TNNC1: variants seen among roughly 807,000 people sequenced by gnomAD.
TNNC1 encodes troponin C, slow skeletal and cardiac muscles.
Under a neutral mutation model 19.6 loss-of-function variants are expected in TNNC1, and 10 were observed. The ratio of observed to expected loss-of-function variants is 0.51; its 90% confidence interval spans 0.31 to 0.87. The LOEUF is 0.87. Ranked by LOEUF, TNNC1 falls within the 40% of genes least tolerant of loss-of-function variation. TNNC1 has a pLI of 0.04. For synonymous variants in TNNC1, 85 were observed against 80.1 expected, an observed-to-expected ratio of 1.06 and a Z score of -0.33; for missense variants, 115 against 219.8, an observed-to-expected ratio of 0.52 and a Z score of 3.02.
At position 52,451,237 on chromosome 3, in the gene TNNC1, G is replaced by C. The variant is rs541885580; in HGVS notation, c.*38C>G. On this transcript the variant is annotated 3_prime_UTR_variant, in exon 6 of 6. Transcript: ENST00000232975. The surrounding 1 kb of genome is among the most constrained non-coding windows in gnomAD (Gnocchi z 4.8). ...CAACCCCAGGACTCAGCTGGAGTTG[G>C]AGGCTGGGCATAGGCAGCTCTGGGT... 2.1e-4 allele frequency: 341 copies of C among 1,613,850 alleles called. 1 individual carries two copies. The South Asian group carries it at 3.6e-3, about 17-fold the overall frequency.
chr3:52,452,030 C>A lies in TNNC1; in HGVS notation c.202+76G>T. 6.2e-7 allele frequency: 1 copy of A among 1,609,574 alleles called. No homozygotes were observed. The highest frequency in any genetic ancestry group is 8.5e-7 in the Non-Finnish European group (1 of 1,177,204). ...CAAGGCTCGGATAGGCTAAATTGCT[C>A]CCAGCTAAACAGAGCCAGCATTCCA... On this transcript the variant is annotated intron_variant, in intron 3 of 5. Transcript: ENST00000232975. This position sits in a 1 kb window ranked among gnomAD's most constrained non-coding sequence, Gnocchi z 5.2.
rs1706316072 is a variant in TNNC1, at chr3:52,451,111, G to A, written c.*164C>T. 1.2e-6 allele frequency: 1 copy of A among 827,834 alleles called. No individual in the cohort carries two copies. The highest frequency in any genetic ancestry group is 2.0e-5 in the Admixed American group (1 of 49,384). The allele number at this position is 827,834 out of a possible 1,614,324, so 51.3% of individuals were successfully genotyped here. A position where few individuals can be genotyped will look rare whatever the true frequency, so the allele number is the denominator to read the frequency against. ...CCAGATAGCAGACCTTGGGAGAGCA[G>A]GCTTTATTTGCATCCCCCAGGACAG... On this transcript the variant is annotated 3_prime_UTR_variant, in exon 6 of 6. Coordinates refer to ENST00000232975, the MANE Select transcript of TNNC1 (RefSeq NM_003280.3). This position sits in a 1 kb window ranked among gnomAD's most constrained non-coding sequence, Gnocchi z 4.8.
In TNNC1 at chr3:52,452,323, G is replaced by C. The variant is rs2153229982; in HGVS notation, c.56-71C>G. ...AGGACCACGGAGGGCCAGAACCCTG[G>C]GGCCACCTGCCAACCTGCCCACCTC... On this transcript the variant is annotated intron_variant, in intron 2 of 5. Coordinates refer to ENST00000232975, the MANE Select transcript of TNNC1 (RefSeq NM_003280.3). This position sits in a 1 kb window ranked among gnomAD's most constrained non-coding sequence, Gnocchi z 5.2. The C allele has an allele frequency of 6.2e-7, 1 of 1,601,534 alleles. No homozygotes were observed.
Position 52,451,975 on chromosome 3 carries a change from C to T in TNNC1, c.203-117G>A. The T allele has an allele frequency of 6.5e-7, 1 of 1,548,686 alleles. No homozygotes were observed. The highest frequency in any genetic ancestry group is 8.9e-7 in the Non-Finnish European group (1 of 1,124,150). ...CACACCAAACGCCAGGCTTGTGTAGCCCTTATGCCCATTTTATAGATGAGG... is the reference window on the plus strand; with the variant it reads ...CACACCAAACGCCAGGCTTGTGTAGTCCTTATGCCCATTTTATAGATGAGG... On this transcript the variant is annotated intron_variant, in intron 3 of 5. Transcript: ENST00000232975. This position sits in a 1 kb window ranked among gnomAD's most constrained non-coding sequence, Gnocchi z 4.8.
Position 52,452,649 on chromosome 3 carries a change from C to T in TNNC1, c.25-136G>A. On this transcript the variant is annotated intron_variant, in intron 1 of 5. Transcript: ENST00000232975. The surrounding 1 kb of genome is among the most constrained non-coding windows in gnomAD (Gnocchi z 5.2). ...AGGCCACAGAGTGGAGGTCTCAGTCCTCCCTCCCTGCCCCCAAAGCCCTGA... is the reference window on the plus strand; with the variant it reads ...AGGCCACAGAGTGGAGGTCTCAGTCTTCCCTCCCTGCCCCCAAAGCCCTGA... 3 of 949,548 alleles carry T rather than the reference C, an allele frequency of 3.2e-6. No homozygotes were observed. The highest frequency in any genetic ancestry group is 5.0e-6 in the Non-Finnish European group (3 of 604,578). The allele number at this position is 949,548 out of a possible 1,614,324, so 58.8% of individuals were successfully genotyped here.
Position 52,451,363 on chromosome 3 carries a change from CAGG to C in TNNC1, c.454+25_454+27del. On this transcript the variant is annotated intron_variant, in intron 5 of 5. Transcript: ENST00000232975. This position sits in a 1 kb window ranked among gnomAD's most constrained non-coding sequence, Gnocchi z 4.8. ...GTAGGGGCTGGGCAGGGCATGGAGG[CAGG>C]AGATCAGCCCACCCACCCGCTTACC... is the stretch of plus-strand genomic sequence containing the variant. 6.2e-7 allele frequency: 1 copy of C among 1,614,090 alleles called. No individual in the cohort carries two copies. Among genetic ancestry groups the C allele is most frequent in the Non-Finnish European group, 8.5e-7 (1 of 1,179,978 alleles).
Position 52,452,053 on chromosome 3 carries a change from C to T in TNNC1, c.202+53G>A. On this transcript the variant is annotated intron_variant, in intron 3 of 5. Transcript: ENST00000232975. This position sits in a 1 kb window ranked among gnomAD's most constrained non-coding sequence, Gnocchi z 5.2. The stretch of plus-strand genomic sequence containing the variant: ...CTCCCAGCTAAACAGAGCCAGCATT[C>T]CAGCCCCCAGCCAGCTGGGGTTCTT... The T allele has an allele frequency of 1.9e-6, 3 of 1,613,266 alleles. No individual in the cohort carries two copies. Among genetic ancestry groups the T allele is most frequent in the Non-Finnish European group, 2.5e-6 (3 of 1,179,862 alleles).
Position 52,452,031 on chromosome 3 carries a change from C to T in TNNC1, c.202+75G>A. On this transcript the variant is annotated intron_variant, in intron 3 of 5. Coordinates refer to ENST00000232975, the MANE Select transcript of TNNC1 (RefSeq NM_003280.3). This position sits in a 1 kb window ranked among gnomAD's most constrained non-coding sequence, Gnocchi z 5.2. The stretch of plus-strand genomic sequence containing the variant: ...AAGGCTCGGATAGGCTAAATTGCTC[C>T]CAGCTAAACAGAGCCAGCATTCCAG... The T allele has an allele frequency of 1.2e-6, 2 of 1,609,644 alleles. No individual in the cohort carries two copies. The highest frequency in any genetic ancestry group is 1.7e-5 in the Admixed American group (1 of 59,972).
rs1013564315 is a variant in TNNC1 at position 52,452,319 on chromosome 3, C to T, written c.56-67G>A. The stretch of plus-strand genomic sequence containing the variant: ...AGCCAGGACCACGGAGGGCCAGAAC[C>T]CTGGGGCCACCTGCCAACCTGCCCA... On this transcript the variant is annotated intron_variant, in intron 2 of 5. Coordinates refer to ENST00000232975, the MANE Select transcript of TNNC1 (RefSeq NM_003280.3). The surrounding 1 kb of genome is among the most constrained non-coding windows in gnomAD (Gnocchi z 5.2). 1 of 1,601,434 alleles carries T rather than the reference C, an allele frequency of 6.2e-7. No individual in the cohort carries two copies. Among genetic ancestry groups the T allele is most frequent in the Non-Finnish European group, 8.5e-7 (1 of 1,178,870 alleles).
chr3:52,452,429 C>T lies in TNNC1; in HGVS notation c.55+54G>A. Reference sequence around the variant, plus strand: ...CTGGGGTCCTCTTCTGATAAGGGGTCCCCATGCCAGCCTGGACCCGCTGGT... The same window carrying T: ...CTGGGGTCCTCTTCTGATAAGGGGTTCCCATGCCAGCCTGGACCCGCTGGT... On this transcript the variant is annotated intron_variant, in intron 2 of 5. Coordinates refer to ENST00000232975, the MANE Select transcript of TNNC1 (RefSeq NM_003280.3). The surrounding 1 kb of genome is among the most constrained non-coding windows in gnomAD (Gnocchi z 5.2). 2 of 1,605,096 alleles carry T rather than the reference C, an allele frequency of 1.2e-6. No homozygotes were observed. The highest frequency in any genetic ancestry group is 8.5e-7 in the Non-Finnish European group (1 of 1,175,272).
intron 1 of TNNC1, among the ~76,000 whole-genome samples, chr3:52,453,273 C>T (rs1706356299): frequency 6.6e-6 from 1 of 152,160 alleles, no homozygotes; most frequent in Admixed American, 6.5e-5. Flanking sequence ...ATCTGAAGAC[C>T]CTCAGTGACC....
In TNNC1 at chr3:52,451,451, C is replaced by T. The variant is rs397516846; in HGVS notation, c.394G>A (p.Asp132Asn). The T allele has an allele frequency of 1.2e-6, 2 of 1,614,144 alleles. No individual in the cohort carries two copies. Among genetic ancestry groups the T allele is most frequent in the Non-Finnish European group, 1.7e-6 (2 of 1,180,010 alleles). The stretch of plus-strand genomic sequence containing the variant: ...CCGTCCTTCATGAGCTCCTCGATGT[C>T]GTCCTCCGTGATGGTCTCGCCTGTA... The part of the protein sequence containing the change: ...QATGETITED[D>N]IEELMKDGDK... The change falls in exon 5 of 6, where the codon GAC becomes AAC. Residue 132 changes from aspartate to asparagine, a missense_variant. Coordinates refer to ENST00000232975, the MANE Select transcript of TNNC1 (RefSeq NM_003280.3). This position sits in a 1 kb window ranked among gnomAD's most constrained non-coding sequence, Gnocchi z 4.8.
Position 52,451,385 on chromosome 3 carries a change from G to C in TNNC1, c.454+6C>G, listed in dbSNP as rs750021293. 6 of 1,613,964 alleles carry C rather than the reference G, an allele frequency of 3.7e-6. No homozygotes were observed. The African/African-American group carries it at 4.0e-5, about 11-fold the overall frequency. Reference sequence around the variant, plus strand: ...AGGCAGGAGATCAGCCCACCCACCCGCTTACCATCATAGTCGATGCGGCCG... The same window carrying C: ...AGGCAGGAGATCAGCCCACCCACCCCCTTACCATCATAGTCGATGCGGCCG... On this transcript the variant is annotated splice_donor_region_variant and intron_variant, in intron 5 of 5. Transcript: ENST00000232975. The surrounding 1 kb of genome is among the most constrained non-coding windows in gnomAD (Gnocchi z 4.8).
intron 1 of TNNC1, among the ~76,000 whole-genome samples, chr3:52,453,410 C>T (rs1706357881): frequency 6.6e-6 from 1 of 152,178 alleles, no homozygotes; most frequent in South Asian, 2.1e-4. Context: ...TTCTCTGTTC[C>T]TTCTTCCTTG....
chr3:52,453,378 A>G (rs1311834029), intron 1 of TNNC1, among the ~76,000 whole-genome samples: 1 of 152,118 alleles, frequency 6.6e-6, no homozygotes, highest in Admixed American at 6.5e-5. Context: ...CCTGCCAGGC[A>G]TGATGGGAGC....
At position 52,452,340 on chromosome 3, in the gene TNNC1, G is replaced by T; in HGVS notation, c.56-88C>A. On this transcript the variant is annotated intron_variant, in intron 2 of 5. Coordinates refer to ENST00000232975, the MANE Select transcript of TNNC1 (RefSeq NM_003280.3). The surrounding 1 kb of genome is among the most constrained non-coding windows in gnomAD (Gnocchi z 5.2). ...GAACCCTGGGGCCACCTGCCAACCT[G>T]CCCACCTCCCTCGGAGACCTCTCTG... 6.3e-7 allele frequency: 1 copy of T among 1,596,880 alleles called. No homozygotes were observed. Among genetic ancestry groups the T allele is most frequent in the Middle Eastern group, 1.7e-4 (1 of 6,042 alleles).
chr3:52,451,677 G>A lies in TNNC1; in HGVS notation c.317+67C>T. 1 of 1,581,594 alleles carries A rather than the reference G, an allele frequency of 6.3e-7. No homozygotes were observed. The highest frequency in any genetic ancestry group is 8.7e-7 in the Non-Finnish European group (1 of 1,150,686). On this transcript the variant is annotated intron_variant, in intron 4 of 5. Transcript: ENST00000232975. This position sits in a 1 kb window ranked among gnomAD's most constrained non-coding sequence, Gnocchi z 4.8. Reference sequence around the variant, plus strand: ...CAGGGTCCCTAGGCCTGGAATCTGAGACTGCCCTCCTGTACAGCTCGGCTT... The same window carrying A: ...CAGGGTCCCTAGGCCTGGAATCTGAAACTGCCCTCCTGTACAGCTCGGCTT...
Position 52,451,346 on chromosome 3 carries a change from T to C in TNNC1, c.455-40A>G. ...GCAGGTGTGGGTTGAGGGTAGGGGCTGGGCAGGGCATGGAGGCAGGAGATC... is the reference window on the plus strand; with the variant it reads ...GCAGGTGTGGGTTGAGGGTAGGGGCCGGGCAGGGCATGGAGGCAGGAGATC... On this transcript the variant is annotated intron_variant, in intron 5 of 5. Transcript: ENST00000232975. The surrounding 1 kb of genome is among the most constrained non-coding windows in gnomAD (Gnocchi z 4.8). 1 of 1,614,044 alleles carries C rather than the reference T, an allele frequency of 6.2e-7. No homozygotes were observed. The highest frequency in any genetic ancestry group is 2.2e-5 in the East Asian group (1 of 44,884).
At position 52,452,305 on chromosome 3, in the gene TNNC1, C is replaced by T. The variant is rs188248995; in HGVS notation, c.56-53G>A. 256 of 1,603,022 alleles carry T rather than the reference C, an allele frequency of 1.6e-4. No individual in the cohort carries two copies. Among genetic ancestry groups the T allele is most frequent in the Middle Eastern group, 3.3e-4 (2 of 6,058 alleles). ...AGTCAGGGCTCAGCAGCCAGGACCA[C>T]GGAGGGCCAGAACCCTGGGGCCACC... On this transcript the variant is annotated intron_variant, in intron 2 of 5. Coordinates refer to ENST00000232975, the MANE Select transcript of TNNC1 (RefSeq NM_003280.3). The surrounding 1 kb of genome is among the most constrained non-coding windows in gnomAD (Gnocchi z 5.2).
Sources: gnomAD v4.1 joint callset for allele counts (sites outside exome capture counted in the v4.1 genomes callset) on GRCh38, gnomAD v4.1.1 for gene constraint, Gnocchi (gnomAD v3.1) non-coding constraint, MANE v1.5 for transcripts, NCBI Gene and HGNC (gene_info 2026-07-23, HGNC 2026-07-21) for gene names.